NOVA1: variants seen among roughly 807,000 people sequenced by gnomAD.
NOVA1 encodes the protein NOVA alternative splicing regulator 1.
A neutral mutation model predicts 38.0 loss-of-function variants in NOVA1; 7 were observed. The ratio of observed to expected loss-of-function variants is 0.18; its 90% CI spans 0.10 to 0.35. The LOEUF is 0.35. Ranked by LOEUF, NOVA1 falls within the 10% of genes least tolerant of loss-of-function variation. The probability of loss-of-function intolerance (pLI) is 1.00; values close to 1 mark genes in which losing one functional copy is unlikely to be tolerated. For synonymous variants in NOVA1, 270 were observed against 232.5 expected, an observed-to-expected ratio of 1.16 and a Z score of -1.47; for missense variants, 460 against 616.0, an observed-to-expected ratio of 0.75 and a Z score of 2.68.
intron 2 of NOVA1, among the ~76,000 whole-genome samples, chr14:26,557,157 TA>T (rs1891537702): frequency 6.6e-6 from 1 of 152,148 alleles, no homozygotes; most frequent in African/African-American, 2.4e-5. Flanking sequence ...CATCTCCAAA[TA>T]AGGTCACATT....
chr14:26,582,164 T>C (rs11159900), intron 2 of NOVA1, among the ~76,000 whole-genome samples: 87,770 of 151,700 alleles, frequency 0.58, 30,657 homozygotes, highest in Non-Finnish European at 0.75. Context: ...CAGATAACTG[T>C]TAGTTGAAAC....
intron 2 of NOVA1, among the ~76,000 whole-genome samples, chr14:26,490,994 C>T (rs144938371): frequency 0.021 from 3,236 of 151,922 alleles, 108 homozygotes; most frequent in African/African-American, 0.074. Context: ...GGACTACAGG[C>T]GCCCGCCACC....
chr14:26,467,269 G>T (rs924129981), intron 4 of NOVA1, among the ~76,000 whole-genome samples: 1 of 152,172 alleles, frequency 6.6e-6, no homozygotes, highest in Non-Finnish European at 1.5e-5. Context: ...TGCCAAGGAG[G>T]TGGAAGTGAT....
At chr14:26,580,051 C>T (rs909767807) in intron 2 of NOVA1, among the ~76,000 whole-genome samples, 1 of 151,518 alleles carries the variant, frequency 6.6e-6, no homozygotes, top group Non-Finnish European at 1.5e-5. Context: ...TGCACCACTG[C>T]ACTGCACCAG....
At chr14:26,483,968 T>C (rs1196966372) in intron 2 of NOVA1, among the ~76,000 whole-genome samples, 2 of 152,178 alleles carry the variant, frequency 1.3e-5, no homozygotes, top group East Asian at 3.9e-4. Flanking sequence ...TGTGAGATTA[T>C]GGCATCAGTT....
intron 2 of NOVA1, among the ~76,000 whole-genome samples, chr14:26,546,659 T>C (rs1185063952): frequency 6.6e-6 from 1 of 152,208 alleles, no homozygotes; most frequent in Non-Finnish European, 1.5e-5. Context: ...AATGGAAAGC[T>C]AGATGTTGCC....
chr14:26,472,243 C>T, intron 4 of NOVA1, 77 bp downstream of exon 4: 1 of 841,452 alleles, frequency 1.2e-6, no homozygotes, highest in Non-Finnish European at 2.0e-6. Flanking sequence ...AATCCTTAAC[C>T]CACCATTATC....
At chr14:26,570,824 A>G (rs2138719434) in intron 2 of NOVA1, among the ~76,000 whole-genome samples, 1 of 152,252 alleles carries the variant, frequency 6.6e-6, no homozygotes, top group South Asian at 2.1e-4. Flanking sequence ...CACCCCTAAT[A>G]AAGTATTCCA....
At chr14:26,560,982 CA>C (rs1450436796) in intron 2 of NOVA1, among the ~76,000 whole-genome samples, 1 of 152,112 alleles carries the variant, frequency 6.6e-6, no homozygotes, top group Non-Finnish European at 1.5e-5. Context: ...CAACATGGTA[CA>C]GGGTGGGGGG....
At chr14:26,546,227 C>G (rs1027653300) in intron 2 of NOVA1, among the ~76,000 whole-genome samples, 1 of 151,840 alleles carries the variant, frequency 6.6e-6, no homozygotes, top group Non-Finnish European at 1.5e-5. Context: ...AATACTAAAG[C>G]TTGATTATCA....
chr14:26,572,728 G>GTGTGTGTA (rs993510657), intron 2 of NOVA1, among the ~76,000 whole-genome samples: 3 of 74,080 alleles, frequency 4.0e-5, no homozygotes, highest in Non-Finnish European at 7.8e-5. Context: ...GAACCGCAGT[G>GTGTGTGTA]TGTGTGTGTG....
chr14:26,448,957 T>A lies in NOVA1; in HGVS notation c.526A>T (p.Ile176Phe). The change falls in exon 5 of 5, where the codon ATT becomes TTT. Residue 176 changes from isoleucine (I) to phenylalanine (F), a missense_variant. Coordinates refer to ENST00000539517, the MANE Select transcript of NOVA1 (RefSeq NM_002515.3). The surrounding 1 kb of genome is among the most constrained non-coding windows in gnomAD (Gnocchi z 5.3). ...CCTGCTGTGCTGTTGGGAACTATAA[T>A]CTTTACCTGTAATTAAAAAAAATAC... is the stretch of plus-strand genomic sequence containing the variant. Reference protein sequence around the residue: ...MTTSRANQVKIIVPNSTAGLI... With the variant: ...MTTSRANQVKFIVPNSTAGLI... The A allele has an allele frequency of 6.3e-7, 1 of 1,597,238 alleles. No homozygotes were observed. The highest frequency in any genetic ancestry group is 8.5e-7 in the Non-Finnish European group (1 of 1,171,798).
intron 2 of NOVA1, among the ~76,000 whole-genome samples, chr14:26,482,914 C>T (rs911621961): frequency 2.6e-5 from 4 of 152,016 alleles, no homozygotes; most frequent in Non-Finnish European, 4.4e-5. Context: ...GTGGCATAGG[C>T]TGCTCTTCTG....
chr14:26,513,772 G>A (rs1278103444), intron 2 of NOVA1, among the ~76,000 whole-genome samples: 2 of 151,570 alleles, frequency 1.3e-5, no homozygotes, highest in Non-Finnish European at 3.0e-5. Flanking sequence ...TTGGGAACTA[G>A]AAATGAAACT....
In NOVA1 at chr14:26,574,278, C is replaced by T. The variant is rs572039350; in HGVS notation, c.280+21132G>A. On this transcript the variant is annotated intron_variant, in intron 2 of 4. Coordinates refer to ENST00000539517, the MANE Select transcript of NOVA1 (RefSeq NM_002515.3). ...TGACCTCGTGATCCACCCCCCCCCC[C>T]CCGCCCCCTCGGCCTCCCAAAGTGC... Among the ~76,000 whole-genome samples, 3 of 95,860 alleles carry T rather than the reference C, an allele frequency of 3.1e-5. 1 individual carries two copies. Among genetic ancestry groups the T allele is most frequent in the Admixed American group, 9.8e-5 (1 of 10,254 alleles). The allele number at this position is 95,860 out of a possible 152,430, so 62.9% of individuals were successfully genotyped here. A position where few individuals can be genotyped will look rare whatever the true frequency, so the allele number is the denominator to read the frequency against.
intron 2 of NOVA1, among the ~76,000 whole-genome samples, chr14:26,499,261 C>G (rs962818492): frequency 6.6e-6 from 1 of 151,996 alleles, no homozygotes; most frequent in Non-Finnish European, 1.5e-5. Context: ...GTTTAAAAAC[C>G]TTTATATATG....
intron 3 of NOVA1, chr14:26,478,946 A>G (rs1885211866): frequency 6.6e-6 from 1 of 151,884 alleles, no homozygotes; most frequent in South Asian, 2.1e-4. Context: ...TTCTATGTTT[A>G]TATTTCATTA....
In NOVA1 at chr14:26,447,496, T is replaced by G. The variant is rs538239599; in HGVS notation, c.*463A>C. 6.3e-6 allele frequency: 1 copy of G among 157,556 alleles called. No individual in the cohort carries two copies. The highest frequency in any genetic ancestry group is 1.4e-5 in the Non-Finnish European group (1 of 71,094). The allele number at this position is 157,556 out of a possible 1,614,324, so 9.8% of individuals were successfully genotyped here. ...TAAAACTTATTTTCAAAATATTGTT[T>G]CCTACTTCACTGTGCCCTAAGCAGG... On this transcript the variant is annotated 3_prime_UTR_variant, in exon 5 of 5. Coordinates refer to ENST00000539517, the MANE Select transcript of NOVA1 (RefSeq NM_002515.3).
chr14:26,472,507 AT>A (rs1884666585), intron 3 of NOVA1, 116 bp from the exon 4 acceptor site: 2 of 451,752 alleles, frequency 4.4e-6, no homozygotes, highest in Admixed American at 4.3e-5. Flanking sequence ...CTATGAACAA[AT>A]TTTTCTCCTA....
Sources: gnomAD v4.1 joint callset for allele counts (sites outside exome capture counted in the v4.1 genomes callset) on GRCh38, gnomAD v4.1.1 for gene constraint, Gnocchi (gnomAD v3.1) non-coding constraint, MANE v1.5 for transcripts, NCBI Gene and HGNC (gene_info 2026-07-23, HGNC 2026-07-21) for gene names.